ZNF529: variants seen among roughly 807,000 people sequenced by gnomAD.
ZNF529 encodes zinc finger protein 529.
In ZNF529, 11 loss-of-function variants were observed where a neutral mutation model predicts 10.1. That is an observed-to-expected ratio of 1.09 (90% CI 0.69 to 1.81). ZNF529 has a LOEUF of 1.81. Among genes scored for constraint, ZNF529 ranks in the 40% most tolerant of loss-of-function variants. The pLI, the probability that ZNF529 is intolerant of heterozygous loss-of-function variation, is 0.00. For synonymous variants in ZNF529, 204 were observed against 215.7 expected (o/e 0.95, Z 0.47); for missense variants, 624 against 666.8 (o/e 0.94, Z 0.71).
chr19:36,573,768 C>T (rs760713131), upstream of ZNF529, among the ~76,000 whole-genome samples: 39 of 152,150 alleles, frequency 2.6e-4, no homozygotes, highest in Middle Eastern at 3.2e-3. Flanking sequence ...AACTGGAGGG[C>T]CGGGCTGGGA....
At chr19:36,552,626 A>G (rs2035307930) in intron 4 of ZNF529, among the ~76,000 whole-genome samples, 1 of 152,160 alleles carries the variant, frequency 6.6e-6, no homozygotes, top group Non-Finnish European at 1.5e-5. Flanking sequence ...ACATCCCATA[A>G]ACTCTATAGA....
chr19:36,595,930 C>T (rs2036830317), intron 1 of ZNF529, among the ~76,000 whole-genome samples: 2 of 151,742 alleles, frequency 1.3e-5, no homozygotes, highest in Non-Finnish European at 2.9e-5. Context: ...CGTTTGCTCA[C>T]CTCCATCATT....
chr19:36,587,437 T>G (rs2036607260), intron 2 of ZNF529: 1 of 152,202 alleles, frequency 6.6e-6, no homozygotes, highest in Non-Finnish European at 1.5e-5. Flanking sequence ...CCAGTTGCTG[T>G]GAAAATCAAT....
chr19:36,581,916 C>G (rs911531706), intron 2 of ZNF529: 4 of 152,226 alleles, frequency 2.6e-5, no homozygotes, highest in Non-Finnish European at 5.9e-5. Context: ...GTGGCATATA[C>G]ATACAATGTA....
intron 2 of ZNF529, among the ~76,000 whole-genome samples, chr19:36,589,080 AC>A: frequency 6.6e-6 from 1 of 151,884 alleles, no homozygotes; most frequent in African/African-American, 2.4e-5. Flanking sequence ...AGTAGCTAGG[AC>A]TACACAGGCT....
In ZNF529 at chr19:36,547,310, A is replaced by C. The variant is rs944040453; in HGVS notation, c.1248T>G (p.His416Gln). 2 of 1,613,770 alleles carry C rather than the reference A, an allele frequency of 1.2e-6. No individual in the cohort carries two copies. The highest frequency in any genetic ancestry group is 2.7e-5 in the African/African-American group (2 of 74,924). Residue 416 changes from histidine (H) to glutamine (Q), a missense_variant, in exon 5 of 5, where the codon CAT becomes CAG. Physicochemically the swap from His to Gln is conservative, Grantham distance 24. Transcript: ENST00000591340. ...TACATTTATAGGGTTTTTCACCAGT[A>C]TGAATCCTCTGATGTCTAGTCAGGG... ...SSSLTRHQRI[H>Q]TGEKPYKCKE...
At chr19:36,570,264 G>A (rs1298952397) in intron 2 of ZNF529, among the ~76,000 whole-genome samples, 1 of 150,350 alleles carries the variant, frequency 6.7e-6, no homozygotes, top group Non-Finnish European at 1.5e-5. Context: ...GGGAGACTGA[G>A]GTGGGAGGAT....
At chr19:36,570,360 C>CAAAAAAAAAAAAAAAAAAAAGAAAAAA (rs2036055712) in intron 2 of ZNF529, among the ~76,000 whole-genome samples, 2 of 70,584 alleles carry the variant, frequency 2.8e-5, no homozygotes, top group African/African-American at 1.1e-4. Flanking sequence ...GACCCTATCT[C>CAAAAAAAAAAAAAAAAAAAAGAAAAAA]AAAAAAAAAA....
At chr19:36,574,116 G>A (rs2036251691), upstream of ZNF529, among the ~76,000 whole-genome samples, 1 of 152,166 alleles carries the variant, frequency 6.6e-6, no homozygotes, top group South Asian at 2.1e-4. Flanking sequence ...CCAGCCCTCA[G>A]GAGATCTTGA....
rs149370734 is a variant in ZNF529 at position 36,582,212 on chromosome 19, G to A, written c.-41+7403C>T. On this transcript the variant is annotated intron_variant, in intron 2 of 4. Transcript: ENST00000585960. ...TCATGGATATAGTTTCACATTTACA[G>A]GATGAAAAAGTTGTGGATGTTGGTT... 34 of 152,230 alleles carry A rather than the reference G, an allele frequency of 2.2e-4. No individual in the cohort carries two copies. In the East Asian group the frequency reaches 5.4e-3, roughly 24 times the overall value. The allele number at this position is 152,230 out of a possible 1,614,324, so 9.4% of individuals were successfully genotyped here.
intron 4 of ZNF529, among the ~76,000 whole-genome samples, chr19:36,548,754 C>T (rs1432825843): frequency 1.3e-5 from 2 of 152,316 alleles, no homozygotes; most frequent in East Asian, 3.9e-4. Context: ...GGCGTGTTGG[C>T]TCATGCCTGT....
chr19:36,571,168 T>C (rs1392616645), intron 2 of ZNF529, among the ~76,000 whole-genome samples: 1 of 152,230 alleles, frequency 6.6e-6, no homozygotes, highest in Non-Finnish European at 1.5e-5. Context: ...GGTAGGACTA[T>C]AATTCACCCT....
At chr19:36,597,211 T>G (rs1277358015) in intron 1 of ZNF529, among the ~76,000 whole-genome samples, 1 of 152,154 alleles carries the variant, frequency 6.6e-6, no homozygotes, top group Non-Finnish European at 1.5e-5. Flanking sequence ...TTCATTAAAT[T>G]TCTTTAATGT....
chr19:36,580,573 C>T (rs1278545983), intron 2 of ZNF529: 1 of 152,140 alleles, frequency 6.6e-6, no homozygotes, highest in Non-Finnish European at 1.5e-5. Flanking sequence ...TTACATGACA[C>T]ATGACTGTGT....
intron 1 of ZNF529, among the ~76,000 whole-genome samples, chr19:36,594,884 C>CTTT (rs11408279): frequency 6.9e-6 from 1 of 145,112 alleles, no homozygotes. Context: ...TTTCTTTTTT[C>CTTT]TTTTTTTTTT....
At chr19:36,569,795 G>T (rs2036031350) in intron 2 of ZNF529, among the ~76,000 whole-genome samples, 1 of 151,962 alleles carries the variant, frequency 6.6e-6, no homozygotes, top group Admixed American at 6.6e-5. Context: ...AGAAAAAAAT[G>T]AAGAATTGGC....
upstream of ZNF529, among the ~76,000 whole-genome samples, chr19:36,573,811 G>A (rs1016919053): frequency 2.0e-4 from 31 of 152,352 alleles, no homozygotes; most frequent in African/African-American, 6.0e-4. Flanking sequence ...TTAGGCTGGG[G>A]AGGGTCGAGG....
rs1376251914 is a variant in ZNF529, at chr19:36,545,130, G to C, written c.*1736C>G. On this transcript the variant is annotated 3_prime_UTR_variant, in exon 5 of 5. Coordinates refer to ENST00000591340, the MANE Select transcript of ZNF529 (RefSeq NM_020951.5). ...AGCTACTTGGCAGGCTGAGGCAGGG[G>C]AATCGCTTGAACCTGGGAGGTGGAG... 1 of 152,534 alleles carries C rather than the reference G, an allele frequency of 6.6e-6. No individual in the cohort carries two copies. The highest frequency in any genetic ancestry group is 2.1e-4 in the South Asian group (1 of 4,816). 9.4% of individuals were successfully genotyped at this position (152,534 alleles called of 1,614,324 possible). A position where few individuals can be genotyped will look rare whatever the true frequency, so the allele number is the denominator to read the frequency against.
rs559099842 is a variant in ZNF529, at chr19:36,579,829, T to A, written c.-41+9786A>T. Among the ~76,000 whole-genome samples, 5 of 152,288 alleles carry A rather than the reference T, an allele frequency of 3.3e-5. No homozygotes were observed. The East Asian group carries it at 7.7e-4, about 23-fold the overall frequency. On this transcript the variant is annotated intron_variant, in intron 2 of 4. Transcript: ENST00000585960. Reference sequence around the variant, plus strand: ...ACTTTACAAGCAGTACACTTAGGCTTCACTAAATTTATTTTTTTAAGTTTT... The same window carrying A: ...ACTTTACAAGCAGTACACTTAGGCTACACTAAATTTATTTTTTTAAGTTTT...
Sources: gnomAD v4.1 joint callset for allele counts (sites outside exome capture counted in the v4.1 genomes callset) on GRCh38, gnomAD v4.1.1 for gene constraint, MANE v1.5 for transcripts, NCBI Gene and HGNC (gene_info 2026-07-23, HGNC 2026-07-21) for gene names.